KCNK4: variants seen among roughly 807,000 people sequenced by gnomAD.
KCNK4 encodes the protein potassium channel subfamily K member 4.
A neutral mutation model predicts 28.8 loss-of-function variants in KCNK4; 22 were observed. That is an observed-to-expected ratio of 0.76 (90% CI 0.55 to 1.09). KCNK4 has a LOEUF of 1.09. Ranked by LOEUF, KCNK4 falls within the 50% of genes least tolerant of loss-of-function variation. The pLI, the probability that KCNK4 is intolerant of heterozygous loss-of-function variation, is 0.00. For synonymous variants in KCNK4, 263 were observed against 252.9 expected, an observed-to-expected ratio of 1.04 and a Z score of -0.38; for missense variants, 483 against 546.3, an observed-to-expected ratio of 0.88 and a Z score of 1.15.
intron 1 of KCNK4, chr11:64,292,668 G>A: frequency 5.0e-6 from 1 of 199,696 alleles, no homozygotes; most frequent in Non-Finnish European, 1.0e-5. Context: ...GCAGGCTTAG[G>A]CTCTCTTTCG....
At position 64,297,553 on chromosome 11, in the gene KCNK4, C is replaced by A. The variant is rs745334469; in HGVS notation, c.561C>A (p.Pro187=). Reference sequence around the variant, plus strand: ...GCTGCCTGCTCTTTGTCCTCACGCCCACGTTCGTGTTCTGCTATATGGAGG... The same window carrying A: ...GCTGCCTGCTCTTTGTCCTCACGCCAACGTTCGTGTTCTGCTATATGGAGG... ...LIGCLLFVLT[P]TFVFCYMEDW... is the part of the protein sequence containing the mutation. Residue 187 remains proline (P), a synonymous_variant, in exon 5 of 7, where the codon CCC becomes CCA. Transcript: ENST00000422670. 15 of 1,614,056 alleles carry A rather than the reference C, an allele frequency of 9.3e-6. No individual in the cohort carries two copies.
In KCNK4 at chr11:64,298,090, C is replaced by T. The variant is rs1249585517; in HGVS notation, c.662-20C>T. The T allele has an allele frequency of 6.2e-7, 1 of 1,611,248 alleles. No homozygotes were observed. The highest frequency in any genetic ancestry group is 8.5e-7 in the Non-Finnish European group (1 of 1,179,092). On this transcript the variant is annotated intron_variant, in intron 5 of 6. Transcript: ENST00000422670. ...TGCCCCACAATCCAATTCTTTCTACCTTCCCTGGTGGTATCCCAGGCGCGG... is the reference window on the plus strand; with the variant it reads ...TGCCCCACAATCCAATTCTTTCTACTTTCCCTGGTGGTATCCCAGGCGCGG...
At position 64,299,683 on chromosome 11, in the gene KCNK4, C is replaced by T. The variant is rs1321289199; in HGVS notation, c.1139C>T (p.Pro380Leu). 2.5e-6 allele frequency: 4 copies of T among 1,580,488 alleles called. No homozygotes were observed. In the East Asian group the frequency reaches 9.2e-5, roughly 36 times the overall value. ...RPNPPRKPVR[P>L]RGPGRPRDKG... ...AATCCCCCCAGGAAGCCCGTGCGGCCCCGCGGCCCCGGGCGTCCCCGAGAC... is the reference window on the plus strand; with the variant it reads ...AATCCCCCCAGGAAGCCCGTGCGGCTCCGCGGCCCCGGGCGTCCCCGAGAC... The change falls in exon 7 of 7, where the codon CCC (proline) becomes CTC (leucine). Residue 380 changes from proline (P) to leucine (L), a missense_variant. Coordinates refer to ENST00000422670, the MANE Select transcript of KCNK4 (RefSeq NM_033310.3).
intron 2 of KCNK4, 63 bp from the exon 3 acceptor site, chr11:64,296,814 GC>G (rs1158696677): frequency 7.5e-6 from 11 of 1,467,286 alleles, no homozygotes; most frequent in Non-Finnish European, 9.0e-6. Context: ...GACTGGAGGG[GC>G]CACGAGTTGC....
At chr11:64,294,936 C>T (rs2034730224) in intron 2 of KCNK4, among the ~76,000 whole-genome samples, 1 of 152,138 alleles carries the variant, frequency 6.6e-6, no homozygotes, top group Non-Finnish European at 1.5e-5. Flanking sequence ...CCTAGTTTGT[C>T]TTCACAATGG....
chr11:64,299,509 C>T lies in KCNK4; in HGVS notation c.965C>T (p.Pro322Leu). ...QPLGRPRSPS[P>L]PEKAQPPSPP... ...CTGGGCAGGCCCCGATCCCCTTCGC[C>T]CCCCGAGAAGGCTCAGCCGCCTTCC... Residue 322 changes from proline (P) to leucine (L), a missense_variant, in exon 7 of 7, where the codon CCC becomes CTC. Pro to Leu is a moderately conservative substitution (Grantham distance 98, BLOSUM62 -3). Transcript: ENST00000422670. 1.9e-6 allele frequency: 3 copies of T among 1,609,228 alleles called. No homozygotes were observed. The highest frequency in any genetic ancestry group is 2.5e-6 in the Non-Finnish European group (3 of 1,178,684).
chr11:64,292,933 T>G lies in KCNK4; in HGVS notation c.-77-9T>G, dbSNP rs2034671991. The G allele has an allele frequency of 6.9e-7, 1 of 1,458,260 alleles. No individual in the cohort carries two copies. Among genetic ancestry groups the G allele is most frequent in the Non-Finnish European group, 9.0e-7 (1 of 1,110,062 alleles). 90.3% of individuals were successfully genotyped at this position (1,458,260 alleles called of 1,614,324 possible). A position where few individuals can be genotyped will look rare whatever the true frequency, so the allele number is the denominator to read the frequency against. ...TCAGTGACCCCAGCATCCCTGGTTT[T>G]GCCCGCAGTGACGACAGCTCCCCAG... On this transcript the variant is annotated splice_polypyrimidine_tract_variant and intron_variant, in intron 1 of 6. Transcript: ENST00000422670.
chr11:64,295,852 C>CT (rs1420222890), intron 2 of KCNK4, among the ~76,000 whole-genome samples: 1 of 152,012 alleles, frequency 6.6e-6, no homozygotes, highest in Non-Finnish European at 1.5e-5. Context: ...CGAAGAGGTG[C>CT]TTTATGATAC....
rs748073340 is a variant in KCNK4 at position 64,292,959 on chromosome 11, G to A, written c.-60G>A. The A allele has an allele frequency of 3.6e-5, 53 of 1,486,686 alleles. No individual in the cohort carries two copies. Among genetic ancestry groups the A allele is most frequent in the Non-Finnish European group, 4.4e-5 (49 of 1,123,030 alleles). 92.1% of individuals were successfully genotyped at this position (1,486,686 alleles called of 1,614,324 possible). A position where few individuals can be genotyped will look rare whatever the true frequency, so the allele number is the denominator to read the frequency against. On this transcript the variant is annotated 5_prime_UTR_variant, in exon 2 of 7. Transcript: ENST00000422670. ...GCCCGCAGTGACGACAGCTCCCCAGGAGCCCCCCGCCCGGCCCCTCCAGGC... is the reference window on the plus strand; with the variant it reads ...GCCCGCAGTGACGACAGCTCCCCAGAAGCCCCCCGCCCGGCCCCTCCAGGC...
At chr11:64,295,570 G>T (rs2034743370) in intron 2 of KCNK4, among the ~76,000 whole-genome samples, 1 of 151,930 alleles carries the variant, frequency 6.6e-6, no homozygotes, top group South Asian at 2.1e-4. Flanking sequence ...CTTTTAATTA[G>T]CTATTTCGCT....
At position 64,299,804 on chromosome 11, in the gene KCNK4, G is replaced by T; in HGVS notation, c.*78G>T. The T allele has an allele frequency of 6.5e-7, 1 of 1,535,838 alleles. No individual in the cohort carries two copies. The highest frequency in any genetic ancestry group is 8.7e-7 in the Non-Finnish European group (1 of 1,146,888). ...CATGCCTGGCTTGTTTGACCAAAGA[G>T]CCCTCTTTCCACGAGACTGAAGTCT... On this transcript the variant is annotated 3_prime_UTR_variant, in exon 7 of 7. Coordinates refer to ENST00000422670, the MANE Select transcript of KCNK4 (RefSeq NM_033310.3).
At chr11:64,294,117 C>A (rs1011197480) in intron 2 of KCNK4, among the ~76,000 whole-genome samples, 3 of 152,086 alleles carry the variant, frequency 2.0e-5, no homozygotes, top group Admixed American at 6.5e-5. Flanking sequence ...ACCAGGAATG[C>A]CAGGTCAGGT....
At position 64,298,167 on chromosome 11, in the gene KCNK4, T is replaced by C; in HGVS notation, c.719T>C (p.Leu240Pro). ...AYQPLVWFWI[L>P]LGLAYFASVL... ...CAGCCGCTGGTGTGGTTCTGGATCC[T>C]GCTCGGCCTGGCTTACTTCGCCTCA... The change falls in exon 6 of 7, where the codon CTG becomes CCG. Residue 240 changes from leucine (L) to proline (P), a missense_variant. Leu to Pro is a moderately conservative substitution (Grantham distance 98). Transcript: ENST00000422670. The C allele has an allele frequency of 6.2e-7, 1 of 1,613,916 alleles. No homozygotes were observed. The highest frequency in any genetic ancestry group is 8.5e-7 in the Non-Finnish European group (1 of 1,180,022).
At chr11:64,299,317 G>C (rs1347667059) in intron 6 of KCNK4, 29 bp from the exon 7 acceptor site, 1 of 1,497,652 alleles carries the variant, frequency 6.7e-7, no homozygotes, top group Admixed American at 2.2e-5. Flanking sequence ...TAGACCTCTA[G>C]TCGAGGGCTG....
Position 64,299,421 on chromosome 11 carries a change from G to T in KCNK4, c.877G>T (p.Ala293Ser). 1 of 1,577,782 alleles carries T rather than the reference G, an allele frequency of 6.3e-7. No individual in the cohort carries two copies. ...TARVTQRAGP[A>S]APPPEKEQPL... Reference sequence around the variant, plus strand: ...GCGCGTGACCCAGCGAGCCGGGCCCGCCGCCCCGCCGCCGGAGAAGGAGCA... The same window carrying T: ...GCGCGTGACCCAGCGAGCCGGGCCCTCCGCCCCGCCGCCGGAGAAGGAGCA... Residue 293 changes from alanine (A) to serine (S), a missense_variant, in exon 7 of 7, where the codon GCC (alanine) becomes TCC (serine). By Grantham distance (99) the Ala-to-Ser change is moderately conservative (BLOSUM62 1). Transcript: ENST00000422670.
intron 6 of KCNK4, among the ~76,000 whole-genome samples, chr11:64,298,633 T>C (rs368012179): frequency 1.2e-4 from 18 of 152,026 alleles, no homozygotes; most frequent in African/African-American, 4.1e-4. Flanking sequence ...CAGTGGGTCA[T>C]GATTGCACCA....
rs1044774283 is a variant in KCNK4, at chr11:64,299,410, G to T, written c.866G>T (p.Arg289Leu). 1.3e-6 allele frequency: 2 copies of T among 1,573,552 alleles called. No homozygotes were observed. Among genetic ancestry groups the T allele is most frequent in the Admixed American group, 3.7e-5 (2 of 54,494 alleles). Reference sequence around the variant, plus strand: ...ACGGTGACAGCGCGCGTGACCCAGCGAGCCGGGCCCGCCGCCCCGCCGCCG... The same window carrying T: ...ACGGTGACAGCGCGCGTGACCCAGCTAGCCGGGCCCGCCGCCCCGCCGCCG... ...TGTVTARVTQRAGPAAPPPEK... is the reference protein window; with the variant it reads ...TGTVTARVTQLAGPAAPPPEK... The change falls in exon 7 of 7, where the codon CGA (arginine) becomes CTA (leucine). Residue 289 changes from arginine to leucine, a missense_variant. Physicochemically the swap from Arg to Leu is moderately radical, Grantham distance 102 (BLOSUM62 -2). Transcript: ENST00000422670.
chr11:64,299,423 C>T lies in KCNK4; in HGVS notation c.879C>T (p.Ala293=). The T allele has an allele frequency of 6.3e-7, 1 of 1,580,296 alleles. No individual in the cohort carries two copies. ...GCGTGACCCAGCGAGCCGGGCCCGCCGCCCCGCCGCCGGAGAAGGAGCAGC... is the reference window on the plus strand; with the variant it reads ...GCGTGACCCAGCGAGCCGGGCCCGCTGCCCCGCCGCCGGAGAAGGAGCAGC... ...TARVTQRAGP[A]APPPEKEQPL... is the part of the protein sequence containing the mutation. The change falls in exon 7 of 7, where the codon GCC becomes GCT. Residue 293 remains alanine, a synonymous_variant. Coordinates refer to ENST00000422670, the MANE Select transcript of KCNK4 (RefSeq NM_033310.3).
chr11:64,292,010 G>A, intron 1 of KCNK4: 1 of 1,187,436 alleles, frequency 8.4e-7, no homozygotes, highest in Non-Finnish European at 1.1e-6. Context: ...TGTCTGGCGT[G>A]TGCACGCTAG....
Sources: allele counts gnomAD v4.1 joint callset (sites outside exome capture counted in the v4.1 genomes callset), GRCh38; gene constraint gnomAD v4.1.1; transcripts MANE v1.5; gene names NCBI Gene and HGNC (gene_info 2026-07-23, HGNC 2026-07-21).